The following CNTNAP2 variants were observed in gnomAD, a reference collection of about 807,000 sequenced individuals.
CNTNAP2 encodes the protein contactin-associated protein-like 2.
In CNTNAP2, 98 loss-of-function variants were observed where a neutral mutation model predicts 155.2. The ratio of observed to expected loss-of-function variants is 0.63; its 90% CI spans 0.54 to 0.75. The LOEUF (loss-of-function observed/expected upper bound fraction) is 0.75, where lower values mean the gene tolerates loss of function less well. Ranked by LOEUF, CNTNAP2 falls within the 30% of genes least tolerant of loss-of-function variation. The pLI, the probability that CNTNAP2 is intolerant of heterozygous loss-of-function variation, is 0.00. For synonymous variants in CNTNAP2, 651 were observed against 631.2 expected, an observed-to-expected ratio of 1.03 and a Z score of -0.47; for missense variants, 1,727 against 1,688.1, an observed-to-expected ratio of 1.02 and a Z score of -0.40.
chr7:148,049,516 T>C (rs1802844267), intron 15 of CNTNAP2, among the ~76,000 whole-genome samples: 1 of 152,184 alleles, frequency 6.6e-6, no homozygotes, highest in Non-Finnish European at 1.5e-5. Flanking sequence ...GTAAAGTGAA[T>C]GTAACGAGAT....
intron 1 of CNTNAP2, among the ~76,000 whole-genome samples, chr7:146,667,530 G>A (rs1245188894): frequency 2.7e-5 from 4 of 150,584 alleles, no homozygotes; most frequent in African/African-American, 9.7e-5. Flanking sequence ...TATTTTTATA[G>A]AGAAGGCATT....
intron 3 of CNTNAP2, among the ~76,000 whole-genome samples, chr7:147,025,242 T>C (rs1798882712): frequency 7.5e-6 from 1 of 133,484 alleles, no homozygotes. Context: ...GCCGGAATCA[T>C]GCCACTGCAC....
intron 1 of CNTNAP2, among the ~76,000 whole-genome samples, chr7:146,203,537 C>T (rs887769313): frequency 2.6e-5 from 4 of 152,186 alleles, no homozygotes; most frequent in African/African-American, 4.8e-5. Context: ...CCCAAGTGTT[C>T]GAATATCCGG....
chr7:147,022,350 T>G (rs1798831364), intron 3 of CNTNAP2, among the ~76,000 whole-genome samples: 1 of 152,068 alleles, frequency 6.6e-6, no homozygotes, highest in African/African-American at 2.4e-5. Context: ...CCTTAGAAAA[T>G]TACCCAAAAT....
chr7:147,015,944 C>T (rs539639943), intron 3 of CNTNAP2, among the ~76,000 whole-genome samples: 1 of 152,212 alleles, frequency 6.6e-6, no homozygotes, highest in South Asian at 2.1e-4. Context: ...ATAACTGTCA[C>T]TTCTGTCAAG....
intron 3 of CNTNAP2, among the ~76,000 whole-genome samples, chr7:147,034,142 G>A (rs184180724): frequency 4.8e-3 from 727 of 152,270 alleles, no homozygotes; most frequent in Middle Eastern, 0.02. Flanking sequence ...TACCATGTAA[G>A]GTAATTTCCG....
chr7:147,921,949 C>G (rs1009167820), intron 14 of CNTNAP2, among the ~76,000 whole-genome samples: 4 of 152,148 alleles, frequency 2.6e-5, no homozygotes, highest in Admixed American at 2.6e-4. Flanking sequence ...TTAGAGCACA[C>G]ATTTTGCAAA....
intron 1 of CNTNAP2, among the ~76,000 whole-genome samples, chr7:146,522,336 A>G (rs1797627812): frequency 6.6e-6 from 1 of 152,114 alleles, no homozygotes; most frequent in South Asian, 2.1e-4. Context: ...ATTAAAACTT[A>G]GTTATCTCAA....
intron 1 of CNTNAP2, among the ~76,000 whole-genome samples, chr7:146,363,137 C>G (rs1795108388): frequency 1.3e-5 from 2 of 152,074 alleles, no homozygotes; most frequent in Non-Finnish European, 2.9e-5. Flanking sequence ...TATAATAGGC[C>G]AGGCATTTTT....
At chr7:147,961,020 A>G (rs1563149654) in intron 14 of CNTNAP2, among the ~76,000 whole-genome samples, 1 of 152,170 alleles carries the variant, frequency 6.6e-6, no homozygotes, top group Non-Finnish European at 1.5e-5. Flanking sequence ...AGATTAGAGA[A>G]GTCCAGTGTA....
In CNTNAP2 at chr7:147,544,538, T is replaced by TA. The variant is rs950642370; in HGVS notation, c.1778-17590dup. Among the ~76,000 whole-genome samples, 478 of 148,516 alleles carry TA rather than the reference T, an allele frequency of 3.2e-3. 1 individual carries two copies. The highest frequency in any genetic ancestry group is 0.011 in the African/African-American group (434 of 40,636). On this transcript the variant is annotated intron_variant, in intron 11 of 23. Transcript: ENST00000361727. ...AACAATTTTGAAATATCTATTCCAA[T>TA]AAAAAAAAAATGCAAGTCCTCTTTC...
chr7:147,767,497 T>G (rs1403633514), intron 13 of CNTNAP2, among the ~76,000 whole-genome samples: 1 of 152,144 alleles, frequency 6.6e-6, no homozygotes, highest in East Asian at 1.9e-4. Context: ...TTCAGATGTG[T>G]AATCATTTGC....
intron 1 of CNTNAP2, among the ~76,000 whole-genome samples, chr7:146,678,792 A>G (rs1585038807): frequency 6.6e-6 from 1 of 152,314 alleles, no homozygotes. Flanking sequence ...AACATTTTAA[A>G]ATAGACTATT....
chr7:147,704,506 G>C (rs1022457428), intron 13 of CNTNAP2: 3 of 167,526 alleles, frequency 1.8e-5, no homozygotes, highest in Admixed American at 6.5e-5. Flanking sequence ...CCCCAGTCTA[G>C]TGTGAGGGGA....
intron 3 of CNTNAP2, among the ~76,000 whole-genome samples, chr7:146,922,203 T>G (rs190332053): frequency 2.0e-4 from 30 of 152,056 alleles, no homozygotes; most frequent in Non-Finnish European, 3.4e-4. Context: ...TAAATGTACA[T>G]TTCTGCCCTG....
At chr7:146,859,438 C>T (rs1406882856) in intron 3 of CNTNAP2, among the ~76,000 whole-genome samples, 1 of 152,118 alleles carries the variant, frequency 6.6e-6, no homozygotes, top group Admixed American at 6.5e-5. Context: ...GGTTGGATCA[C>T]CTGAGGCCGG....
At chr7:147,158,656 T>C (rs928803169) in intron 8 of CNTNAP2, among the ~76,000 whole-genome samples, 5 of 152,050 alleles carry the variant, frequency 3.3e-5, no homozygotes, top group African/African-American at 9.7e-5. Flanking sequence ...CAGAGTGATT[T>C]TTCTTCAATA....
intron 14 of CNTNAP2, among the ~76,000 whole-genome samples, chr7:147,937,148 T>C (rs1327271626): frequency 6.6e-6 from 1 of 152,096 alleles, no homozygotes; most frequent in African/African-American, 2.4e-5. Flanking sequence ...GAAGACATGA[T>C]AGGCCAGTCA....
chr7:148,147,420 G>A (rs759637177), intron 16 of CNTNAP2, 71 bp from the exon 17 acceptor site: 157 of 1,451,806 alleles, frequency 1.1e-4, no homozygotes, highest in Middle Eastern at 1.7e-4. Context: ...TTTGTTTGTC[G>A]TCTAGAATTT....
Sources: gnomAD v4.1 joint callset for allele counts (sites outside exome capture counted in the v4.1 genomes callset) on GRCh38, gnomAD v4.1.1 for gene constraint, MANE v1.5 for transcripts, NCBI Gene and HGNC (gene_info 2026-07-23, HGNC 2026-07-21) for gene names.